The following MARCHF6 variants were observed in gnomAD, a reference collection of about 807,000 sequenced individuals.
MARCHF6 encodes membrane associated ring-CH-type finger 6.
Under a neutral mutation model 133.7 loss-of-function variants are expected in MARCHF6, and 31 were observed. The ratio of observed to expected loss-of-function variants is 0.23; its 90% confidence interval spans 0.17 to 0.31. The LOEUF (loss-of-function observed/expected upper bound fraction) is 0.31. Among genes scored for constraint, MARCHF6 ranks in the 10% least tolerant of loss-of-function variants. MARCHF6 has a pLI of 1.00. For synonymous variants in MARCHF6, 395 were observed against 402.5 expected (o/e 0.98, Z 0.22); for missense variants, 723 against 1,121.6 (o/e 0.64, Z 5.08).
chr5:10,387,489 G>C (rs1223523070), intron 5 of MARCHF6, among the ~76,000 whole-genome samples: 1 of 151,428 alleles, frequency 6.6e-6, no homozygotes, highest in Non-Finnish European at 1.5e-5. Context: ...TTTTAGTAGA[G>C]ACAGGGTTTC....
chr5:10,380,671 A>G (rs190668303), intron 3 of MARCHF6, among the ~76,000 whole-genome samples: 226 of 152,302 alleles, frequency 1.5e-3, no homozygotes, highest in African/African-American at 5.2e-3. Flanking sequence ...CACCCCTGTA[A>G]TTCCAGCACT....
At chr5:10,409,546 A>T (rs534337694) in intron 17 of MARCHF6, among the ~76,000 whole-genome samples, 139 of 152,332 alleles carry the variant, frequency 9.1e-4, no homozygotes, top group African/African-American at 3.3e-3. Flanking sequence ...CACCTCCTAG[A>T]GAGTCTTACA....
chr5:10,398,447 G>C (rs578212068), intron 10 of MARCHF6, among the ~76,000 whole-genome samples: 4 of 152,140 alleles, frequency 2.6e-5, no homozygotes, highest in African/African-American at 4.8e-5. Flanking sequence ...ATTTTTAGTA[G>C]ATACTCACAA....
chr5:10,421,543 G>T (rs550700442), intron 22 of MARCHF6, among the ~76,000 whole-genome samples: 1 of 152,330 alleles, frequency 6.6e-6, no homozygotes, highest in South Asian at 2.1e-4. Flanking sequence ...CTGCAGCTCC[G>T]TGGGATAGTG....
rs184569951 is a variant in MARCHF6, at chr5:10,382,077, G to A, written c.334+134G>A. ...TGTCAGAGTGTCATGTATTAGGAAAGCCTTACTTAGAAGATGTTCATCGGA... is the reference window on the plus strand; with the variant it reads ...TGTCAGAGTGTCATGTATTAGGAAAACCTTACTTAGAAGATGTTCATCGGA... On this transcript the variant is annotated intron_variant, in intron 4 of 25. Transcript: ENST00000274140. The A allele has an allele frequency of 9.5e-4, 910 of 958,112 alleles. 10 individuals are homozygous for A. In the South Asian group the frequency reaches 0.01, roughly 11 times the overall value. The allele number at this position is 958,112 out of a possible 1,614,324, so 59.4% of individuals were successfully genotyped here.
intron 20 of MARCHF6, among the ~76,000 whole-genome samples, chr5:10,415,273 C>T (rs143155116): frequency 2.2e-4 from 33 of 152,270 alleles, no homozygotes; most frequent in African/African-American, 7.7e-4. Context: ...CAGTAGAGCT[C>T]GCCTCCATTG....
rs368950124 is a variant in MARCHF6 at position 10,429,881 on chromosome 5, T to A, written c.2507-12T>A. ...CACATACACTGAAAGTTTTTCTTTT[T>A]TGGTTTTCTAGGTGTTACTGCGGAA... On this transcript the variant is annotated splice_polypyrimidine_tract_variant and intron_variant, in intron 24 of 25. Transcript: ENST00000274140. 2.1e-4 allele frequency: 342 copies of A among 1,604,934 alleles called. No homozygotes were observed. Among genetic ancestry groups the A allele is most frequent in the Non-Finnish European group, 2.8e-4 (330 of 1,173,774 alleles).
chr5:10,392,533 C>T (rs531748349), intron 7 of MARCHF6, among the ~76,000 whole-genome samples: 2 of 152,082 alleles, frequency 1.3e-5, no homozygotes, highest in Admixed American at 1.3e-4. Context: ...ATGGGTAGAT[C>T]ACCTGAGGTC....
intron 1 of MARCHF6, among the ~76,000 whole-genome samples, chr5:10,373,868 G>T (rs909226969): frequency 2.6e-5 from 4 of 152,102 alleles, no homozygotes; most frequent in African/African-American, 4.8e-5. Context: ...GTTGTGAATG[G>T]CTGGATGAGG....
intron 3 of MARCHF6, among the ~76,000 whole-genome samples, chr5:10,380,043 A>G (rs1182474504): frequency 6.6e-6 from 1 of 152,102 alleles, no homozygotes; most frequent in Non-Finnish European, 1.5e-5. Context: ...AATATGTTTT[A>G]TCTCAAATAA....
At chr5:10,430,662 T>C (rs977943238) in intron 25 of MARCHF6, among the ~76,000 whole-genome samples, 1 of 152,156 alleles carries the variant, frequency 6.6e-6, no homozygotes, top group Non-Finnish European at 1.5e-5. Flanking sequence ...AATGTTCTGG[T>C]CTGACAGTAT....
At position 10,433,628 on chromosome 5, in the gene MARCHF6, C is replaced by T. The variant is rs142412317; in HGVS notation, c.2677C>T (p.Arg893Trp). The T allele has an allele frequency of 3.1e-6, 5 of 1,614,196 alleles. No homozygotes were observed. Among genetic ancestry groups the T allele is most frequent in the South Asian group, 1.1e-5 (1 of 91,088 alleles). The change falls in exon 26 of 26, where the codon CGG (arginine) becomes TGG (tryptophan). Residue 893 changes from arginine to tryptophan, a missense_variant. Arg to Trp is a moderately radical substitution (Grantham distance 101). This residue lies in a region of MARCHF6 where 492 missense variants were observed against 699.5 expected (regional missense o/e 0.70). Transcript: ENST00000274140. ...LVGQRLVNYE[R>W]KSGKQGSSPP... ...GGGTCAACGACTCGTGAACTACGAA[C>T]GGAAATCTGGCAAACAAGGCTCATC...
At position 10,358,000 on chromosome 5, in the gene MARCHF6, C is replaced by CTCTG. The variant is rs1735584255; in HGVS notation, c.19+4086_19+4089dup. Among the ~76,000 whole-genome samples the CTCTG allele has an allele frequency of 3.0e-5, 4 of 131,608 alleles. No homozygotes were observed. In the South Asian group the frequency reaches 9.7e-4, roughly 32 times the overall value. The allele number at this position is 131,608 out of a possible 152,430, so 86.3% of individuals were successfully genotyped here. A position where few individuals can be genotyped will look rare whatever the true frequency, so the allele number is the denominator to read the frequency against. The stretch of plus-strand genomic sequence containing the variant: ...TTTTTTTTTTTGAGACGGAGTCTTG[C>CTCTG]TCTGTCACCCAGGCTGGAGTGCAGT... On this transcript the variant is annotated intron_variant, in intron 1 of 25. Transcript: ENST00000274140.
intron 22 of MARCHF6, among the ~76,000 whole-genome samples, chr5:10,419,264 C>T (rs1008383626): frequency 2.6e-5 from 4 of 152,148 alleles, no homozygotes; most frequent in African/African-American, 7.2e-5. Flanking sequence ...CAGTAAATTG[C>T]ATGAGATAGT....
chr5:10,354,825 A>G (rs1417579522), intron 1 of MARCHF6, among the ~76,000 whole-genome samples: 12 of 152,150 alleles, frequency 7.9e-5, no homozygotes, highest in South Asian at 4.1e-4. Context: ...TTTCAACCTT[A>G]TGGGTTGCGA....
chr5:10,374,544 CT>C (rs1189611124), intron 1 of MARCHF6, among the ~76,000 whole-genome samples: 1 of 152,094 alleles, frequency 6.6e-6, no homozygotes, highest in Non-Finnish European at 1.5e-5. Flanking sequence ...TGTGTTGGAA[CT>C]TTGAGGAAGC....
rs1424620923 is a variant in MARCHF6, at chr5:10,436,329, AAT to A, written c.*2646_*2647del. 2.0e-5 allele frequency: 3 copies of A among 152,260 alleles called. No homozygotes were observed. In the East Asian group the frequency reaches 5.8e-4, roughly 29 times the overall value. 9.4% of individuals were successfully genotyped at this position (152,260 alleles called of 1,614,324 possible). The stretch of plus-strand genomic sequence containing the variant: ...AATTGTACTTTATCGTGTTGTTTTC[AAT>A]GAGATAAGTATTTTCATAGGGAAAG... On this transcript the variant is annotated 3_prime_UTR_variant, in exon 26 of 26. Coordinates refer to ENST00000274140, the MANE Select transcript of MARCHF6 (RefSeq NM_005885.4).
intron 22 of MARCHF6, among the ~76,000 whole-genome samples, chr5:10,421,433 A>G (rs1395467558): frequency 6.6e-6 from 1 of 152,188 alleles, no homozygotes; most frequent in Non-Finnish European, 1.5e-5. Context: ...GCAGCGTGCT[A>G]TCCTTAATGT....
intron 15 of MARCHF6, among the ~76,000 whole-genome samples, chr5:10,404,135 C>CCATG (rs2126769043): frequency 6.6e-6 from 1 of 151,368 alleles, no homozygotes; most frequent in Admixed American, 6.6e-5. Flanking sequence ...GAATGTAGTG[C>CCATG]CATGATCTTG....
Sources: gnomAD v4.1 joint callset for allele counts (sites outside exome capture counted in the v4.1 genomes callset) on GRCh38, gnomAD v4.1.1 for gene constraint, gnomAD v4.1.1 regional missense constraint, MANE v1.5 for transcripts, NCBI Gene and HGNC (gene_info 2026-07-23, HGNC 2026-07-21) for gene names.